The following RPS6KA3 variants were observed in gnomAD, a reference collection of about 807,000 sequenced individuals.
RPS6KA3 encodes ribosomal protein S6 kinase A3, also known as ribosomal protein S6 kinase alpha-3.
In RPS6KA3, 4 loss-of-function variants were observed where a neutral mutation model predicts 67.2. The ratio of observed to expected loss-of-function variants is 0.06; its 90% CI spans 0.03 to 0.14. The LOEUF is 0.14. Among genes scored for constraint, RPS6KA3 ranks in the 10% least tolerant of loss-of-function variants. The probability of loss-of-function intolerance (pLI) is 1.00; values close to 1 mark genes in which losing one functional copy is unlikely to be tolerated. For missense variants in RPS6KA3, 204 were observed against 559.0 expected, an observed-to-expected ratio of 0.36 and a Z score of 6.40; for synonymous variants, 182 against 183.7, an observed-to-expected ratio of 0.99 and a Z score of 0.07.
chrX:20,208,519 C>T (rs1292060093), intron 3 of RPS6KA3, among the ~76,000 whole-genome samples: 2 of 110,864 alleles, frequency 1.8e-5, no homozygotes, highest in African/African-American at 3.3e-5. Context: ...GAGTTTGAGA[C>T]CAGCCTGAGA....
intron 1 of RPS6KA3, among the ~76,000 whole-genome samples, chrX:20,244,979 A>T (rs1203594410): frequency 8.9e-6 from 1 of 112,364 alleles, no homozygotes; most frequent in Non-Finnish European, 1.9e-5. Context: ...TAGGTAAACA[A>T]AATAGGGAAT....
chrX:20,254,007 T>C (rs1471311004), intron 1 of RPS6KA3, among the ~76,000 whole-genome samples: 1 of 112,027 alleles, frequency 8.9e-6, no homozygotes, highest in Non-Finnish European at 1.9e-5. Context: ...AATTTGCCTA[T>C]GACATTTCTC....
intron 10 of RPS6KA3, among the ~76,000 whole-genome samples, chrX:20,180,503 T>C: frequency 8.9e-6 from 1 of 112,166 alleles, no homozygotes; most frequent in Non-Finnish European, 1.9e-5. Context: ...TTAAAATCCA[T>C]TGAATTGATC....
At position 20,190,881 on chromosome X, in the gene RPS6KA3, T is replaced by TTA. The variant is rs756669921; in HGVS notation, c.594-2348_594-2347insTA. ...AATTTTGTACTAACTTTTTTTTTTT[T>TTA]TTATTATGCTTTAGGTTCTAGGATA... is the stretch of plus-strand genomic sequence containing the variant. On this transcript the variant is annotated intron_variant, in intron 7 of 21. Transcript: ENST00000379565. 4.5e-5 allele frequency among the ~76,000 whole-genome samples: 5 copies of TTA among 110,709 alleles called. No individual in the cohort carries two copies. In the South Asian group the frequency reaches 1.9e-3, roughly 42 times the overall value.
chrX:20,173,576 T>C (rs1199621702), intron 14 of RPS6KA3, among the ~76,000 whole-genome samples: 1 of 112,154 alleles, frequency 8.9e-6, no homozygotes, highest in African/African-American at 3.2e-5. Context: ...CCCTTGGCTA[T>C]ACTGATATGA....
rs987934629 is a variant in RPS6KA3, at chrX:20,155,106, G to C, written c.*292C>G. On this transcript the variant is annotated 3_prime_UTR_variant, in exon 22 of 22. Transcript: ENST00000379565. ...AATGCTATATGGTGTACTTTATTCA[G>C]TGTATTTTTAGGTGGTATTCATATG... The C allele has an allele frequency of 4.2e-5, 14 of 331,502 alleles. No homozygotes were observed. The Admixed American group carries it at 5.2e-4, about 12-fold the overall frequency. The allele number at this position is 331,502 out of a possible 1,213,427, so 27.3% of individuals were successfully genotyped here. A position where few individuals can be genotyped will look rare whatever the true frequency, so the allele number is the denominator to read the frequency against.
intron 1 of RPS6KA3, among the ~76,000 whole-genome samples, chrX:20,262,080 C>T (rs1391816300): frequency 9.0e-6 from 1 of 111,701 alleles, no homozygotes; most frequent in East Asian, 2.8e-4. Flanking sequence ...AGACCACCAC[C>T]ATGTCAGTGT....
chrX:20,211,129 A>T (rs904259852), intron 2 of RPS6KA3, among the ~76,000 whole-genome samples: 1 of 111,382 alleles, frequency 9.0e-6, no homozygotes, highest in African/African-American at 3.3e-5. Flanking sequence ...TTCATGTTTT[A>T]TATTCATGCT....
intron 2 of RPS6KA3, among the ~76,000 whole-genome samples, chrX:20,211,084 C>T (rs1173134290): frequency 9.1e-6 from 1 of 110,168 alleles, no homozygotes; most frequent in Non-Finnish European, 1.9e-5. Flanking sequence ...TATTATTGAG[C>T]ACCTACTACA....
chrX:20,205,703 GATT>G (rs1478835114), intron 3 of RPS6KA3, among the ~76,000 whole-genome samples: 2 of 111,881 alleles, frequency 1.8e-5, no homozygotes, highest in African/African-American at 6.5e-5. Context: ...GGTAATCAGA[GATT>G]ATTAATATTT....
intron 15 of RPS6KA3, among the ~76,000 whole-genome samples, chrX:20,172,206 C>T (rs1386438941): frequency 8.9e-6 from 1 of 112,369 alleles, no homozygotes; most frequent in African/African-American, 3.2e-5. Context: ...TCACTTACGA[C>T]TAAAGGTTTG....
intron 1 of RPS6KA3, among the ~76,000 whole-genome samples, chrX:20,259,597 C>T (rs1045758669): frequency 2.7e-5 from 3 of 111,328 alleles, no homozygotes; most frequent in Non-Finnish European, 5.7e-5. Context: ...CCAGGCAATA[C>T]TGGATCGCGT....
intron 1 of RPS6KA3, among the ~76,000 whole-genome samples, chrX:20,250,326 C>G (rs927500734): frequency 7.2e-5 from 8 of 111,319 alleles, no homozygotes; most frequent in African/African-American, 2.6e-4. Flanking sequence ...GTACCTAGGA[C>G]TATAAGTGCA....
At chrX:20,175,750 C>A (rs1204661389) in intron 13 of RPS6KA3, among the ~76,000 whole-genome samples, 1 of 111,597 alleles carries the variant, frequency 9.0e-6, no homozygotes, top group African/African-American at 3.3e-5. Flanking sequence ...TACTGGCTAC[C>A]ATATTAGAAA....
At chrX:20,158,388 AGAGAG>A (rs1222319879) in intron 20 of RPS6KA3, among the ~76,000 whole-genome samples, 35 of 84,184 alleles carry the variant, frequency 4.2e-4, no homozygotes, top group African/African-American at 1.8e-3. Context: ...AAAAAAAAAA[AGAGAG>A]AGAGAGAGAG....
At chrX:20,180,456 G>A (rs1262053297) in intron 10 of RPS6KA3, among the ~76,000 whole-genome samples, 1 of 112,290 alleles carries the variant, frequency 8.9e-6, no homozygotes, top group Admixed American at 9.5e-5. Context: ...GGTAACAAGA[G>A]AACCACCAGA....
intron 1 of RPS6KA3, among the ~76,000 whole-genome samples, chrX:20,253,241 G>C (rs1302843457): frequency 9.2e-6 from 1 of 108,180 alleles, no homozygotes; most frequent in African/African-American, 3.4e-5. Flanking sequence ...TTTGGGGTGG[G>C]GTGGGGTGGG....
At chrX:20,254,395 A>G (rs1227677006) in intron 1 of RPS6KA3, among the ~76,000 whole-genome samples, 1 of 112,141 alleles carries the variant, frequency 8.9e-6, no homozygotes, top group African/African-American at 3.2e-5. Flanking sequence ...TTTAAGTTCT[A>G]TAACCAATAT....
At chrX:20,167,453 A>C in intron 17 of RPS6KA3, 136 bp downstream of exon 17, 2 of 580,115 alleles carry the variant, frequency 3.4e-6, no homozygotes, top group Non-Finnish European at 5.9e-6. Flanking sequence ...GTTTATATAG[A>C]GGAAGGTCAG....
Sources: allele counts gnomAD v4.1 joint callset (sites outside exome capture counted in the v4.1 genomes callset), GRCh38; gene constraint gnomAD v4.1.1; transcripts MANE v1.5; gene names NCBI Gene and HGNC (gene_info 2026-07-23, HGNC 2026-07-21).